ACSS2: variants seen among roughly 807,000 people sequenced by gnomAD.
ACSS2 encodes the protein acetyl-coenzyme A synthetase, cytoplasmic.
In ACSS2, 58 loss-of-function variants were observed where a neutral mutation model predicts 90.6. The observed-to-expected ratio is 0.64, with a 90% confidence interval of 0.52 to 0.80. The LOEUF is 0.80. Ranked by LOEUF, ACSS2 falls within the 30% of genes least tolerant of loss-of-function variation. The pLI is 0.00. For missense variants in ACSS2, 759 were observed against 912.0 expected (o/e 0.83, Z 2.16); for synonymous variants, 300 against 330.9 (o/e 0.91, Z 1.01).
At chr20:34,876,881 TG>T in intron 1 of ACSS2, 58 bp downstream of exon 1, 2 of 1,152,268 alleles carry the variant, frequency 1.7e-6, no homozygotes, top group Non-Finnish European at 2.2e-6. Context: ...GGGGGCTCCC[TG>T]GGGGAGTCGG....
intron 2 of ACSS2, among the ~76,000 whole-genome samples, chr20:34,898,604 A>G (rs977015772): frequency 4.6e-5 from 7 of 152,340 alleles, no homozygotes; most frequent in African/African-American, 1.2e-4. Context: ...CAGAGTAGCT[A>G]GATACAGAGT....
chr20:34,889,175 T>G (rs1298979995), intron 2 of ACSS2, among the ~76,000 whole-genome samples: 1 of 151,994 alleles, frequency 6.6e-6, no homozygotes, highest in Admixed American at 6.6e-5. Flanking sequence ...CAGGCTGGAG[T>G]GCAGTGGCAC....
At chr20:34,903,374 G>T (rs1383275961) in intron 2 of ACSS2, among the ~76,000 whole-genome samples, 1 of 151,750 alleles carries the variant, frequency 6.6e-6, no homozygotes, top group Non-Finnish European at 1.5e-5. Flanking sequence ...AGATCATGCT[G>T]GGTGATGTGT....
rs756300164 is a variant in ACSS2, at chr20:34,921,538, C to G, written c.1411-6C>G. ...GACTCAAATTTCTCATCTCTGACTT[C>G]CCCAGGGTGGCCACATGTTGACTCC... On this transcript the variant is annotated splice_region_variant and splice_polypyrimidine_tract_variant and intron_variant, in intron 11 of 17. Coordinates refer to ENST00000360596, the MANE Select transcript of ACSS2 (RefSeq NM_018677.4). The G allele has an allele frequency of 1.3e-5, 21 of 1,614,110 alleles. No homozygotes were observed. Among genetic ancestry groups the G allele is most frequent in the Non-Finnish European group, 2.5e-6 (3 of 1,180,042 alleles).
chr20:34,891,841 G>A (rs776073861), intron 2 of ACSS2, among the ~76,000 whole-genome samples: 2 of 152,056 alleles, frequency 1.3e-5, no homozygotes, highest in South Asian at 2.1e-4. Flanking sequence ...TGTACTTTCC[G>A]AGTCACTTTT....
intron 13 of ACSS2, 62 bp from the exon 14 acceptor site, chr20:34,923,261 G>GT: frequency 1.7e-6 from 2 of 1,208,326 alleles, no homozygotes; most frequent in Non-Finnish European, 2.5e-6. Context: ...TAGAAAAGCT[G>GT]TAATTATCTT....
At chr20:34,899,406 CTT>C (rs1250166413) in intron 2 of ACSS2, among the ~76,000 whole-genome samples, 1 of 53,754 alleles carries the variant, frequency 1.9e-5, no homozygotes, top group Non-Finnish European at 3.3e-5. Flanking sequence ...TTCTTTCCTT[CTT>C]TCTTTCTTTC....
chr20:34,913,236 C>A, intron 3 of ACSS2, 49 bp downstream of exon 3: 1 of 1,585,760 alleles, frequency 6.3e-7, no homozygotes, highest in Non-Finnish European at 8.7e-7. Context: ...CTTGGGGTAT[C>A]TGAGTATCTG....
At chr20:34,891,955 G>T (rs1218017992) in intron 2 of ACSS2, among the ~76,000 whole-genome samples, 1 of 152,234 alleles carries the variant, frequency 6.6e-6, no homozygotes, top group African/African-American at 2.4e-5. Context: ...CTGAGTTTGT[G>T]TCTGGGCCAA....
At chr20:34,906,706 G>C (rs985548719) in intron 2 of ACSS2, among the ~76,000 whole-genome samples, 2 of 152,116 alleles carry the variant, frequency 1.3e-5, no homozygotes, top group Non-Finnish European at 2.9e-5. Flanking sequence ...CTGTCAGCTG[G>C]GTGCAGTGGC....
intron 2 of ACSS2, among the ~76,000 whole-genome samples, chr20:34,904,208 C>T (rs1306703582): frequency 2.0e-5 from 3 of 150,108 alleles, no homozygotes; most frequent in Admixed American, 1.3e-4. Context: ...TTCAGAGAAC[C>T]TGGGGCTGGA....
At chr20:34,909,794 G>A (rs1296844088) in intron 2 of ACSS2, among the ~76,000 whole-genome samples, 2 of 150,674 alleles carry the variant, frequency 1.3e-5, no homozygotes, top group East Asian at 3.9e-4. Flanking sequence ...GCCGCTCGCT[G>A]TAGCCTTCAC....
chr20:34,921,517 C>T (rs2081198622), intron 11 of ACSS2, 27 bp from the exon 12 acceptor site: 1 of 1,614,192 alleles, frequency 6.2e-7, no homozygotes. Flanking sequence ...AAGATTGACT[C>T]AAATTTCTCA....
intron 13 of ACSS2, 35 bp downstream of exon 13, chr20:34,921,901 G>T: frequency 6.3e-7 from 1 of 1,589,932 alleles, no homozygotes; most frequent in South Asian, 1.2e-5. Flanking sequence ...TTTAAGGAGA[G>T]AGGGAAAGGG....
intron 12 of ACSS2, 75 bp downstream of exon 12, chr20:34,921,675 T>C: frequency 6.2e-7 from 1 of 1,610,734 alleles, no homozygotes; most frequent in Non-Finnish European, 8.5e-7. Context: ...AGTTAGATAG[T>C]GGAGAACTGG....
Position 34,925,849 on chromosome 20 carries a change from G to T in ACSS2, c.1726+83G>T, listed in dbSNP as rs560303659. 32 of 1,500,804 alleles carry T rather than the reference G, an allele frequency of 2.1e-5. No individual in the cohort carries two copies. The Admixed American group carries it at 2.1e-4, about 10-fold the overall frequency. The allele number at this position is 1,500,804 out of a possible 1,614,324, so 93.0% of individuals were successfully genotyped here. On this transcript the variant is annotated intron_variant, in intron 15 of 17. Transcript: ENST00000360596. ...GCCGAAGCCTTCCGCAAGAGCCCAG[G>T]AGTGTCCTTTGGCCAGACCATGTAC...
At chr20:34,907,743 G>A (rs956920481) in intron 2 of ACSS2, among the ~76,000 whole-genome samples, 5 of 152,238 alleles carry the variant, frequency 3.3e-5, no homozygotes, top group Non-Finnish European at 7.3e-5. Context: ...CAGTGAGCCA[G>A]TTAAGGAAAT....
chr20:34,888,649 A>G (rs1051168276), intron 2 of ACSS2, among the ~76,000 whole-genome samples: 4 of 152,236 alleles, frequency 2.6e-5, no homozygotes, highest in Admixed American at 6.5e-5. Context: ...GATGAGTACT[A>G]TAGAAAAATA....
intron 2 of ACSS2, among the ~76,000 whole-genome samples, chr20:34,896,246 G>A (rs1213191758): frequency 6.6e-6 from 1 of 152,226 alleles, no homozygotes; most frequent in East Asian, 1.9e-4. Context: ...GCTGGCAAGA[G>A]GACAGGGTAC....
Sources: allele counts gnomAD v4.1 joint callset (sites outside exome capture counted in the v4.1 genomes callset), GRCh38; gene constraint gnomAD v4.1.1; transcripts MANE v1.5; gene names NCBI Gene and HGNC (gene_info 2026-07-23, HGNC 2026-07-21).